The following ULK4 variants were observed in gnomAD, a reference collection of about 807,000 sequenced individuals.
ULK4 encodes the protein unc-51 like kinase 4.
ULK4 carries 133 observed loss-of-function variants against 160.6 expected under a neutral mutation model. The ratio of observed to expected loss-of-function variants is 0.83; its 90% CI spans 0.72 to 0.96. The LOEUF (loss-of-function observed/expected upper bound fraction) is 0.96, where lower values mean the gene tolerates loss of function less well. Among genes scored for constraint, ULK4 ranks in the 40% least tolerant of loss-of-function variants. The probability of loss-of-function intolerance (pLI) is 0.00; values close to 1 mark genes in which losing one functional copy is unlikely to be tolerated. For synonymous variants in ULK4, 534 were observed against 539.8 expected (o/e 0.99, Z 0.15); for missense variants, 1,580 against 1,499.5 (o/e 1.05, Z -0.89).
chr3:41,335,640 T>TG (rs2080539202), intron 35 of ULK4, among the ~76,000 whole-genome samples: 2 of 152,252 alleles, frequency 1.3e-5, no homozygotes, highest in South Asian at 4.2e-4. Context: ...CACTGCCTGA[T>TG]GCTAACCTAT....
chr3:41,557,030 A>C (rs1008172527), intron 32 of ULK4, among the ~76,000 whole-genome samples: 1 of 152,200 alleles, frequency 6.6e-6, no homozygotes, highest in African/African-American at 2.4e-5. Flanking sequence ...ACTATGTATC[A>C]TAACTGTGGT....
intron 19 of ULK4, among the ~76,000 whole-genome samples, chr3:41,814,811 G>C (rs532218586): frequency 4.9e-4 from 74 of 151,826 alleles, no homozygotes; most frequent in African/African-American, 1.7e-3. Context: ...CTTTGGATTA[G>C]GTACATATGA....
intron 35 of ULK4, among the ~76,000 whole-genome samples, chr3:41,329,496 C>T (rs955038651): frequency 6.6e-6 from 1 of 152,174 alleles, no homozygotes; most frequent in Non-Finnish European, 1.5e-5. Flanking sequence ...TTTCCCTTTA[C>T]AACTTTCACC....
chr3:41,470,540 T>C (rs2083962277), intron 32 of ULK4, among the ~76,000 whole-genome samples: 1 of 152,126 alleles, frequency 6.6e-6, no homozygotes, highest in Non-Finnish European at 1.5e-5. Flanking sequence ...CTCAATGGTA[T>C]AAGTAATACA....
At chr3:41,618,535 G>A (rs188282541) in intron 30 of ULK4, among the ~76,000 whole-genome samples, 1 of 152,288 alleles carries the variant, frequency 6.6e-6, no homozygotes, top group African/African-American at 2.4e-5. Flanking sequence ...AGCTCCATAA[G>A]TGAAGGAGAA....
chr3:41,644,573 T>C (rs1233094826), intron 30 of ULK4, among the ~76,000 whole-genome samples: 1 of 150,646 alleles, frequency 6.6e-6, no homozygotes, highest in Non-Finnish European at 1.5e-5. Context: ...AGCTTTTGGA[T>C]GTGCTGCTGG....
At chr3:41,810,818 C>T (rs2040799707) in intron 19 of ULK4, among the ~76,000 whole-genome samples, 2 of 152,072 alleles carry the variant, frequency 1.3e-5, no homozygotes, top group Admixed American at 1.3e-4. Context: ...GGCTTATTTC[C>T]TTTTTTTCCC....
At chr3:41,416,216 C>A (rs150501820) in intron 34 of ULK4, among the ~76,000 whole-genome samples, 2 of 151,424 alleles carry the variant, frequency 1.3e-5, no homozygotes, top group African/African-American at 4.9e-5. Context: ...ACAAATTTGT[C>A]CCCACAGACT....
chr3:41,458,446 C>T (rs1264795798), intron 33 of ULK4, among the ~76,000 whole-genome samples: 2 of 152,226 alleles, frequency 1.3e-5, no homozygotes, highest in Middle Eastern at 3.4e-3. Flanking sequence ...AGATATAAGA[C>T]AGGAACTGAG....
intron 31 of ULK4, among the ~76,000 whole-genome samples, chr3:41,568,959 T>A (rs1198252047): frequency 6.6e-6 from 1 of 152,192 alleles, no homozygotes; most frequent in African/African-American, 2.4e-5. Context: ...TTGGCTTCAA[T>A]TAATTTACTA....
chr3:41,782,306 T>C (rs1267833162), intron 21 of ULK4, among the ~76,000 whole-genome samples: 6 of 152,148 alleles, frequency 3.9e-5, no homozygotes, highest in Non-Finnish European at 8.8e-5. Context: ...CCTGTTTAGA[T>C]TTTTTAAGTT....
At chr3:41,888,137 T>C (rs1416300140) in intron 16 of ULK4, among the ~76,000 whole-genome samples, 3 of 150,664 alleles carry the variant, frequency 2.0e-5, no homozygotes, top group Non-Finnish European at 4.4e-5. Flanking sequence ...AATAAATAAA[T>C]AAGGAAAAGA....
chr3:41,275,558 T>C (rs896245877), intron 35 of ULK4, among the ~76,000 whole-genome samples: 1 of 151,988 alleles, frequency 6.6e-6, no homozygotes, highest in Non-Finnish European at 1.5e-5. Flanking sequence ...TTTTGAGAAA[T>C]ACCCTTTTCA....
At chr3:41,630,768 T>C (rs959986096) in intron 30 of ULK4, among the ~76,000 whole-genome samples, 3 of 152,278 alleles carry the variant, frequency 2.0e-5, no homozygotes, top group Middle Eastern at 3.4e-3. Flanking sequence ...CTGCCTCCTT[T>C]CTTAAAAGTA....
At chr3:41,420,357 TA>T (rs1373255640) in intron 34 of ULK4, among the ~76,000 whole-genome samples, 2 of 151,958 alleles carry the variant, frequency 1.3e-5, no homozygotes, top group African/African-American at 4.8e-5. Flanking sequence ...AAATTTTTCC[TA>T]TAGTTATCAT....
chr3:41,629,159 T>C (rs2033648878), intron 30 of ULK4, among the ~76,000 whole-genome samples: 1 of 152,318 alleles, frequency 6.6e-6, no homozygotes, highest in South Asian at 2.1e-4. Flanking sequence ...CTGTGGGTCA[T>C]GAATTTCGGC....
intron 32 of ULK4, among the ~76,000 whole-genome samples, chr3:41,545,390 T>C (rs1416984725): frequency 3.3e-5 from 5 of 152,206 alleles, no homozygotes; most frequent in Non-Finnish European, 7.3e-5. Context: ...TAAAAGACAC[T>C]TTCTGGAGAT....
At chr3:41,888,856 T>C (rs1337171142) in intron 16 of ULK4, among the ~76,000 whole-genome samples, 1 of 152,168 alleles carries the variant, frequency 6.6e-6, no homozygotes, top group Non-Finnish European at 1.5e-5. Flanking sequence ...CTACCTGATC[T>C]TCAGCCAGCT....
chr3:41,866,724 G>A (rs552236293), intron 17 of ULK4, among the ~76,000 whole-genome samples: 311 of 152,178 alleles, frequency 2.0e-3, no homozygotes, highest in African/African-American at 7.2e-3. Context: ...CAGCATATGT[G>A]TGTTGAATTC....
Sources: gnomAD v4.1 joint callset for allele counts (sites outside exome capture counted in the v4.1 genomes callset) on GRCh38, gnomAD v4.1.1 for gene constraint, MANE v1.5 for transcripts, NCBI Gene and HGNC (gene_info 2026-07-23, HGNC 2026-07-21) for gene names.